MCTP2: variants seen among roughly 807,000 people sequenced by gnomAD.
The protein encoded by MCTP2 is multiple C2 and transmembrane domain containing 2.
In MCTP2, 132 loss-of-function variants were observed where a neutral mutation model predicts 111.6. The ratio of observed to expected loss-of-function variants is 1.18; its 90% CI spans 1.03 to 1.37. The LOEUF (loss-of-function observed/expected upper bound fraction) is 1.37, where lower values mean the gene tolerates loss of function less well. Ranked by LOEUF, MCTP2 falls within the 40% of genes most tolerant of loss-of-function variation. The pLI is 0.00. For missense variants in MCTP2, 1,183 were observed against 1,067.9 expected (o/e 1.11, Z -1.50); for synonymous variants, 395 against 387.7 (o/e 1.02, Z -0.22).
In MCTP2 at chr15:94,242,982, TACACGTGTATATGTGTATCTACAC is replaced by T. The variant is rs1567248695; in HGVS notation, c.-66+11320_-66+11343del. Among the ~76,000 whole-genome samples the T allele has an allele frequency of 1.3e-3, 139 of 110,274 alleles. 9 individuals carry two copies. The highest frequency in any genetic ancestry group is 4.6e-3 in the African/African-American group (128 of 28,080). The allele number at this position is 110,274 out of a possible 152,430, so 72.3% of individuals were successfully genotyped here. A position where few individuals can be genotyped will look rare whatever the true frequency, so the allele number is the denominator to read the frequency against. Reference sequence around the variant, plus strand: ...ACACGTGTATATGTGTATCTACACATACACGTGTATATGTGTATCTACACATACACGTGTATATGTGTATCTACA... The same window carrying T: ...ACACGTGTATATGTGTATCTACACATATACACGTGTATATGTGTATCTACA... On this transcript the variant is annotated intron_variant, in intron 1 of 22. Coordinates refer to ENST00000357742, the MANE Select transcript of MCTP2 (RefSeq NM_001385001.1).
chr15:94,280,064 G>T (rs1172621634), intron 1 of MCTP2, among the ~76,000 whole-genome samples: 2 of 151,994 alleles, frequency 1.3e-5, no homozygotes, highest in Non-Finnish European at 2.9e-5. Flanking sequence ...TTGTTGTTGT[G>T]TCTGTGCCAG....
At chr15:94,420,960 C>G (rs141545571) in intron 17 of MCTP2, among the ~76,000 whole-genome samples, 1,522 of 152,196 alleles carry the variant, frequency 0.01, 25 homozygotes, top group African/African-American at 0.034. Context: ...TCATTGCTGT[C>G]TTATTGTAAG....
chr15:94,429,670 G>A (rs774988638), intron 17 of MCTP2, among the ~76,000 whole-genome samples: 25 of 152,018 alleles, frequency 1.6e-4, no homozygotes, highest in Non-Finnish European at 2.5e-4. Flanking sequence ...TCAATTCTGG[G>A]CCATTTCTTT....
chr15:94,458,277 C>T (rs187216515), intron 20 of MCTP2, 31 bp downstream of exon 20: 199 of 1,301,368 alleles, frequency 1.5e-4, no homozygotes, highest in Non-Finnish European at 2.2e-4. Flanking sequence ...GTGGTGTTTG[C>T]AGTAGACCTG....
Position 94,298,262 on chromosome 15 carries a change from A to G in MCTP2, c.-4A>G. 2 of 1,594,750 alleles carry G rather than the reference A, an allele frequency of 1.3e-6. No homozygotes were observed. The highest frequency in any genetic ancestry group is 8.5e-7 in the Non-Finnish European group (1 of 1,170,808). On this transcript the variant is annotated 5_prime_UTR_variant, in exon 2 of 23. Transcript: ENST00000357742. Reference sequence around the variant, plus strand: ...GAAGTGGCTTCTTGGGTCTTCATGCAGCCATGGATCTGGATAAACCATCTG... The same window carrying G: ...GAAGTGGCTTCTTGGGTCTTCATGCGGCCATGGATCTGGATAAACCATCTG...
Position 94,470,441 on chromosome 15 carries a change from G to C in MCTP2, c.2469G>C (p.Trp823Cys), listed in dbSNP as rs1466180494. 9.4e-6 allele frequency: 15 copies of C among 1,595,302 alleles called. No individual in the cohort carries two copies. Among genetic ancestry groups the C allele is most frequent in the South Asian group, 3.3e-5 (3 of 90,686 alleles). Residue 823 changes from tryptophan (W) to cysteine (C), a missense_variant and splice_region_variant, in exon 21 of 23, where the codon TGG becomes TGC. Physicochemically the swap from Trp to Cys is radical, Grantham distance 215 (BLOSUM62 -2). Transcript: ENST00000357742. ...FIPLRYIILI[W>C]GINKFTKKLR... Reference sequence around the variant, plus strand: ...CACTGCGGTACATCATTTTAATCTGGGGTAAGTTTGGAATGGTCCTTTTGC... The same window carrying C: ...CACTGCGGTACATCATTTTAATCTGCGGTAAGTTTGGAATGGTCCTTTTGC...
chr15:94,326,602 C>G (rs1020017326), intron 4 of MCTP2, among the ~76,000 whole-genome samples: 1 of 151,494 alleles, frequency 6.6e-6, no homozygotes, highest in Non-Finnish European at 1.5e-5. Flanking sequence ...GAGTCTCGCT[C>G]TGTCACCCAG....
intron 17 of MCTP2, among the ~76,000 whole-genome samples, chr15:94,432,698 C>A (rs529718668): frequency 9.8e-5 from 15 of 152,302 alleles, no homozygotes; most frequent in African/African-American, 3.6e-4. Context: ...TCTCTATAAT[C>A]ATACTTTGCT....
intron 10 of MCTP2, among the ~76,000 whole-genome samples, chr15:94,364,935 C>T (rs1310339547): frequency 1.3e-5 from 2 of 152,106 alleles, no homozygotes; most frequent in African/African-American, 4.8e-5. Flanking sequence ...TTTTCTGTCT[C>T]CCGTCTTTCC....
intron 2 of MCTP2, among the ~76,000 whole-genome samples, chr15:94,299,661 G>A (rs570791766): frequency 2.0e-5 from 3 of 152,260 alleles, no homozygotes; most frequent in African/African-American, 4.8e-5. Context: ...AAAGTCTTTC[G>A]TTACTGACAC....
intron 1 of MCTP2, among the ~76,000 whole-genome samples, chr15:94,276,863 A>G (rs1351679559): frequency 1.3e-5 from 2 of 148,580 alleles, no homozygotes; most frequent in African/African-American, 2.5e-5. Flanking sequence ...AAAAAAAGAG[A>G]TATGTTCTTA....
intron 1 of MCTP2, among the ~76,000 whole-genome samples, chr15:94,252,326 A>G (rs1261280096): frequency 6.6e-6 from 1 of 152,160 alleles, no homozygotes; most frequent in Non-Finnish European, 1.5e-5. Context: ...AGTGAGTTTA[A>G]AGTGTGTCTC....
intron 4 of MCTP2, among the ~76,000 whole-genome samples, chr15:94,325,274 G>A (rs532792017): frequency 1.4e-3 from 215 of 151,916 alleles, no homozygotes; most frequent in Non-Finnish European, 2.4e-3. Context: ...GTCGTGGGGC[G>A]GGGCCGTGAG....
Position 94,479,035 on chromosome 15 carries a change from G to C in MCTP2, c.*1G>C, listed in dbSNP as rs756548639. 1 of 1,613,968 alleles carries C rather than the reference G, an allele frequency of 6.2e-7. No individual in the cohort carries two copies. Among genetic ancestry groups the C allele is most frequent in the South Asian group, 1.1e-5 (1 of 91,072 alleles). The stretch of plus-strand genomic sequence containing the variant: ...GCGGAAGAAGCGCAGCGCTCTCTAG[G>C]GCACACACCGACTTTGGACAGCAGC... On this transcript the variant is annotated 3_prime_UTR_variant, in exon 23 of 23. Coordinates refer to ENST00000357742, the MANE Select transcript of MCTP2 (RefSeq NM_001385001.1).
intron 12 of MCTP2, among the ~76,000 whole-genome samples, chr15:94,377,025 A>C (rs1360671101): frequency 6.6e-6 from 1 of 152,198 alleles, no homozygotes; most frequent in Non-Finnish European, 1.5e-5. Context: ...GCCTTGTACT[A>C]TGATACTGAC....
At chr15:94,431,277 T>C (rs2083172216) in intron 17 of MCTP2, among the ~76,000 whole-genome samples, 1 of 152,180 alleles carries the variant, frequency 6.6e-6, no homozygotes, top group African/African-American at 2.4e-5. Flanking sequence ...GAAAATAGCT[T>C]TCTAAATGAG....
intron 20 of MCTP2, among the ~76,000 whole-genome samples, chr15:94,463,925 C>A (rs2085365056): frequency 6.6e-6 from 1 of 151,732 alleles, no homozygotes; most frequent in Non-Finnish European, 1.5e-5. Context: ...TGGAATAAAC[C>A]CAACATTATT....
intron 4 of MCTP2, among the ~76,000 whole-genome samples, chr15:94,336,147 A>G (rs979936710): frequency 6.6e-6 from 1 of 152,180 alleles, no homozygotes; most frequent in Non-Finnish European, 1.5e-5. Flanking sequence ...GGATAGATTG[A>G]AATGCATGCT....
chr15:94,411,876 A>G (rs2082167277), intron 17 of MCTP2, among the ~76,000 whole-genome samples: 1 of 152,254 alleles, frequency 6.6e-6, no homozygotes, highest in Middle Eastern at 3.4e-3. Flanking sequence ...CTAAATCCAT[A>G]TTGGTTTTGG....
Sources: allele counts gnomAD v4.1 joint callset (sites outside exome capture counted in the v4.1 genomes callset), GRCh38; gene constraint gnomAD v4.1.1; transcripts MANE v1.5; gene names NCBI Gene and HGNC (gene_info 2026-07-23, HGNC 2026-07-21).